RB1CC1: variants seen among roughly 807,000 people sequenced by gnomAD.
RB1CC1 encodes RB1 inducible coiled-coil 1, also known as RB1-inducible coiled-coil protein 1.
In RB1CC1, 46 loss-of-function variants were observed where a neutral mutation model predicts 177.5. The observed-to-expected ratio is 0.26, with a 90% confidence interval of 0.20 to 0.33. RB1CC1 has a LOEUF of 0.33. Among genes scored for constraint, RB1CC1 ranks in the 10% least tolerant of loss-of-function variants. RB1CC1 has a pLI of 1.00. For missense variants in RB1CC1, 1,703 were observed against 1,816.3 expected (o/e 0.94, Z 1.13); for synonymous variants, 666 against 613.6 (o/e 1.09, Z -1.26).
chr8:52,655,087 T>C (rs1850961488), intron 15 of RB1CC1, among the ~76,000 whole-genome samples: 1 of 152,130 alleles, frequency 6.6e-6, no homozygotes, highest in Admixed American at 6.5e-5. Context: ...CCTTCTCTCA[T>C]CCAGCTTTTA....
chr8:52,645,550 G>A (rs1299536886), intron 16 of RB1CC1, 152 bp downstream of exon 16: 6 of 805,680 alleles, frequency 7.4e-6, no homozygotes, highest in African/African-American at 5.5e-5. Context: ...AAAAATACAC[G>A]CTTTTGTCAA....
chr8:52,668,203 G>A lies in RB1CC1; in HGVS notation c.1003-12C>T, dbSNP rs1253053420. The A allele has an allele frequency of 6.2e-7, 1 of 1,611,158 alleles. No individual in the cohort carries two copies. Among genetic ancestry groups the A allele is most frequent in the African/African-American group, 1.3e-5 (1 of 75,014 alleles). ...ATCCTTGGATCAAGCTAAATGACAA[G>A]GAAACACATACGAATACAATTTTCA... On this transcript the variant is annotated splice_polypyrimidine_tract_variant and intron_variant, in intron 7 of 23. Transcript: ENST00000025008.
intron 1 of RB1CC1, among the ~76,000 whole-genome samples, chr8:52,704,220 AG>A (rs997712885): frequency 6.6e-6 from 1 of 152,132 alleles, no homozygotes; most frequent in Non-Finnish European, 1.5e-5. Context: ...TAAAACATAA[AG>A]GGGTACACTA....
At chr8:52,635,364 A>G (rs1482097052) in intron 19 of RB1CC1, among the ~76,000 whole-genome samples, 2 of 152,196 alleles carry the variant, frequency 1.3e-5, no homozygotes, top group African/African-American at 2.4e-5. Flanking sequence ...ATAATAGAAA[A>G]CATGCTATAT....
chr8:52,688,971 A>T (rs1854560896), intron 1 of RB1CC1, among the ~76,000 whole-genome samples: 1 of 152,190 alleles, frequency 6.6e-6, no homozygotes, highest in Middle Eastern at 3.2e-3. Flanking sequence ...TTGGCAGATA[A>T]GTCAACTCTC....
rs1850024882 is a variant in RB1CC1 at position 52,646,287 on chromosome 8, C to A, written c.3822-420G>T. 2.0e-5 allele frequency among the ~76,000 whole-genome samples: 3 copies of A among 151,932 alleles called. No homozygotes were observed. In the South Asian group the frequency reaches 6.2e-4, roughly 31 times the overall value. ...AGATCAGCCTGGCAACAAAGTGAGA[C>A]CCCGTCTCTTAAACAAACAAACAAA... On this transcript the variant is annotated intron_variant, in intron 15 of 23. Coordinates refer to ENST00000025008, the MANE Select transcript of RB1CC1 (RefSeq NM_014781.5).
chr8:52,674,125 A>T lies in RB1CC1; in HGVS notation c.722T>A (p.Val241Glu), dbSNP rs987234039. 5.0e-6 allele frequency: 8 copies of T among 1,614,030 alleles called. No homozygotes were observed. The African/African-American group carries it at 1.1e-4, about 22-fold the overall frequency. ...TGTTCTAGGCATATCAGGAGAGAGCACCAGTTCAGTGGATCTTTTCATCTC... is the reference window on the plus strand; with the variant it reads ...TGTTCTAGGCATATCAGGAGAGAGCTCCAGTTCAGTGGATCTTTTCATCTC... ...KAEMKRSTEL[V>E]LSPDMPRTTN... Residue 241 changes from valine to glutamate, a missense_variant, in exon 7 of 24, where the codon GTG becomes GAG. By Grantham distance (121) the Val-to-Glu change is moderately radical. This residue lies in a region of RB1CC1 where 315 missense variants were observed against 304.9 expected (regional missense o/e 1.03). Transcript: ENST00000025008.
In RB1CC1 at chr8:52,656,696, CCTGTAA is replaced by C; in HGVS notation, c.3127_3132del (p.Leu1043_Gln1044del). On this transcript the variant is annotated inframe_deletion, in exon 15 of 24. Coordinates refer to ENST00000025008, the MANE Select transcript of RB1CC1 (RefSeq NM_014781.5). ...AAATCAGAAACCTTGAGTTTTAATT[CCTGTAA>C]CTGTTTTTCTTTTTCCTGGATAATT... The C allele has an allele frequency of 6.2e-7, 1 of 1,613,696 alleles. No homozygotes were observed. The highest frequency in any genetic ancestry group is 1.1e-5 in the South Asian group (1 of 90,988).
chr8:52,656,909 G>C lies in RB1CC1; in HGVS notation c.2920C>G (p.Gln974Glu), dbSNP rs150994258. The C allele has an allele frequency of 2.0e-5, 33 of 1,613,038 alleles. No individual in the cohort carries two copies. Among genetic ancestry groups the C allele is most frequent in the Non-Finnish European group, 6.8e-6 (8 of 1,179,942 alleles). ...KLHVENDEKLQLLRAELQSLE... is the reference protein window; with the variant it reads ...KLHVENDEKLELLRAELQSLE... ...GACTGAAGTTCTGCCCTCAATAACT[G>C]TAACTTCTCATCATTTTCAACATGG... The change falls in exon 15 of 24, where the codon CAG becomes GAG. Residue 974 changes from glutamine (Q) to glutamate (E), a missense_variant. Physicochemically the swap from Gln to Glu is conservative, Grantham distance 29. Around this residue, in one of 6 missense-constraint regions of RB1CC1, gnomAD observed 1,169 missense variants for 1,184.7 expected, o/e 0.99. Transcript: ENST00000025008.
chr8:52,706,420 T>C (rs10105738), intron 1 of RB1CC1, among the ~76,000 whole-genome samples: 4,529 of 150,402 alleles, frequency 0.03, 223 homozygotes, highest in African/African-American at 0.1. Context: ...GGTGCAGTGG[T>C]GCGATCTCCG....
intron 5 of RB1CC1, among the ~76,000 whole-genome samples, chr8:52,680,996 T>TGTGTGTG (rs1389877008): frequency 1.7e-3 from 174 of 104,970 alleles, no homozygotes; most frequent in Middle Eastern, 9.1e-3. Context: ...GTGTGTGTGT[T>TGTGTGTG]TTTTTTTTTT....
At position 52,659,202 on chromosome 8, in the gene RB1CC1, T is replaced by C. The variant is rs565968523; in HGVS notation, c.1690-226A>G. ...TGCTAGTGATCAAGGGATGCACTTG[T>C]TCCTCCCCTTCTCTGCTTTTAGCAT... On this transcript the variant is annotated intron_variant, in intron 12 of 23. Transcript: ENST00000025008. Among the ~76,000 whole-genome samples the C allele has an allele frequency of 6.6e-5, 10 of 152,292 alleles. No individual in the cohort carries two copies. In the South Asian group the frequency reaches 1.9e-3, roughly 28 times the overall value.
At chr8:52,664,988 G>A (rs888753893) in intron 8 of RB1CC1, among the ~76,000 whole-genome samples, 1 of 151,858 alleles carries the variant, frequency 6.6e-6, no homozygotes, top group South Asian at 2.1e-4. Context: ...GGGGAGCAAA[G>A]AAAAAGTAGA....
At chr8:52,629,577 T>C (rs1848621187) in intron 21 of RB1CC1, among the ~76,000 whole-genome samples, 1 of 152,160 alleles carries the variant, frequency 6.6e-6, no homozygotes, top group South Asian at 2.1e-4. Flanking sequence ...CCTCATCATG[T>C]CCTCTTCCCT....
chr8:52,712,280 T>C (rs1007846883), intron 1 of RB1CC1, among the ~76,000 whole-genome samples: 15 of 152,200 alleles, frequency 9.9e-5, no homozygotes, highest in Non-Finnish European at 1.2e-4. Context: ...CATACACATC[T>C]GCAAAGTAAA....
intron 8 of RB1CC1, among the ~76,000 whole-genome samples, chr8:52,665,233 T>C (rs566979257): frequency 6.6e-5 from 10 of 152,252 alleles, no homozygotes; most frequent in African/African-American, 2.4e-4. Flanking sequence ...CAAAGAACTA[T>C]CTAGACAATA....
intron 13 of RB1CC1, 150 bp from the exon 14 acceptor site, chr8:52,658,274 T>A: frequency 9.7e-7 from 1 of 1,028,168 alleles, no homozygotes; most frequent in East Asian, 2.7e-5. Flanking sequence ...GTTTGTGTCA[T>A]AATCAGTAAA....
chr8:52,626,635 C>T (rs894530511), intron 22 of RB1CC1, among the ~76,000 whole-genome samples: 7 of 152,104 alleles, frequency 4.6e-5, no homozygotes, highest in African/African-American at 1.7e-4. Context: ...GTTTAAACAA[C>T]TGAAAAACAA....
chr8:52,664,588 T>C (rs1851907416), intron 8 of RB1CC1, among the ~76,000 whole-genome samples: 1 of 152,186 alleles, frequency 6.6e-6, no homozygotes, highest in Non-Finnish European at 1.5e-5. Flanking sequence ...GAGGATGCTC[T>C]ATGAGCACAA....
Sources: gnomAD v4.1 joint callset for allele counts (sites outside exome capture counted in the v4.1 genomes callset) on GRCh38, gnomAD v4.1.1 for gene constraint, gnomAD v4.1.1 regional missense constraint, MANE v1.5 for transcripts, NCBI Gene and HGNC (gene_info 2026-07-23, HGNC 2026-07-21) for gene names.